The following CPQ variants were observed in gnomAD, a reference collection of about 807,000 sequenced individuals.
CPQ encodes Ser-Met dipeptidase.
A neutral mutation model predicts 45.7 loss-of-function variants in CPQ; 37 were observed. That is an observed-to-expected ratio of 0.81 (90% CI 0.62 to 1.07). The LOEUF is 1.07. Ranked by LOEUF, CPQ falls within the 50% of genes least tolerant of loss-of-function variation. The pLI, the probability that CPQ is intolerant of heterozygous loss-of-function variation, is 0.00. For missense variants in CPQ, 537 were observed against 572.9 expected, an observed-to-expected ratio of 0.94 and a Z score of 0.64; for synonymous variants, 186 against 205.8, an observed-to-expected ratio of 0.90 and a Z score of 0.82.
Position 96,987,362 on chromosome 8 carries a change from A to T in CPQ, c.961+21316A>T, listed in dbSNP as rs139393431. On this transcript the variant is annotated intron_variant, in intron 5 of 7. Coordinates refer to ENST00000220763, the MANE Select transcript of CPQ (RefSeq NM_016134.4). ...AGAGGGAAGCTTCGCTTTGGGGAGT[A>T]AAAGAACCAATCTACAGAGGCCCTT... 3.9e-5 allele frequency among the ~76,000 whole-genome samples: 6 copies of T among 152,308 alleles called. No individual in the cohort carries two copies. In the East Asian group the frequency reaches 1.2e-3, roughly 29 times the overall value.
At chr8:97,131,745 T>C (rs966295420) in intron 7 of CPQ, among the ~76,000 whole-genome samples, 1 of 152,222 alleles carries the variant, frequency 6.6e-6, no homozygotes, top group African/African-American at 2.4e-5. Flanking sequence ...TAGAGTCATT[T>C]AAAAGAACAA....
chr8:96,796,384 G>T (rs1810929216), intron 2 of CPQ, among the ~76,000 whole-genome samples: 1 of 151,930 alleles, frequency 6.6e-6, no homozygotes. Flanking sequence ...CATTATTAAT[G>T]AATTATTTTA....
chr8:96,994,070 T>C (rs548814600), intron 5 of CPQ, among the ~76,000 whole-genome samples: 2 of 152,204 alleles, frequency 1.3e-5, no homozygotes, highest in Admixed American at 6.6e-5. Flanking sequence ...CTTGGAGCTA[T>C]ATGTTGAAAT....
At chr8:96,931,112 G>A (rs1006583601) in intron 4 of CPQ, among the ~76,000 whole-genome samples, 7 of 152,160 alleles carry the variant, frequency 4.6e-5, no homozygotes, top group Non-Finnish European at 5.9e-5. Context: ...CTTCTTCCCC[G>A]TAAGGGACAG....
chr8:96,802,840 T>C (rs1375083312), intron 2 of CPQ, among the ~76,000 whole-genome samples: 2 of 152,216 alleles, frequency 1.3e-5, no homozygotes, highest in Non-Finnish European at 2.9e-5. Context: ...CCTTGTTAGT[T>C]GGCACTGAAC....
chr8:97,135,620 G>A lies in CPQ; in HGVS notation c.1256-7400G>A, dbSNP rs545821710. On this transcript the variant is annotated intron_variant, in intron 7 of 7. Coordinates refer to ENST00000220763, the MANE Select transcript of CPQ (RefSeq NM_016134.4). ...GACTAAGTTTTCTTGCAAGGAATAT[G>A]TTAAGACCATAACATTCTTCCCTCA... Among the ~76,000 whole-genome samples the A allele has an allele frequency of 1.6e-3, 240 of 152,196 alleles. 1 individual carries two copies. The highest frequency in any genetic ancestry group is 5.2e-3 in the African/African-American group (217 of 41,540).
intron 1 of CPQ, among the ~76,000 whole-genome samples, chr8:96,668,896 G>T (rs1341355603): frequency 6.6e-6 from 1 of 150,896 alleles, no homozygotes; most frequent in South Asian, 2.1e-4. Context: ...TCCAGCAAAA[G>T]CCTGTTTTCT....
chr8:96,708,073 C>T lies in CPQ; in HGVS notation c.-35+62671C>T, dbSNP rs544146605. Among the ~76,000 whole-genome samples the T allele has an allele frequency of 2.0e-5, 3 of 152,070 alleles. No homozygotes were observed. In the South Asian group the frequency reaches 6.2e-4, roughly 32 times the overall value. On this transcript the variant is annotated intron_variant, in intron 1 of 7. Transcript: ENST00000220763. ...TTTCCTTTCTAGCATTTAATGGCTG[C>T]CCATATTCCTTAGTTCATGGCCCCC...
At chr8:96,903,451 A>G (rs1586445061) in intron 4 of CPQ, among the ~76,000 whole-genome samples, 1 of 152,320 alleles carries the variant, frequency 6.6e-6, no homozygotes, top group Non-Finnish European at 1.5e-5. Context: ...TAAGGTGAGT[A>G]TTTATGAAGA....
At chr8:96,746,744 G>A (rs1054777526) in intron 1 of CPQ, among the ~76,000 whole-genome samples, 2 of 152,158 alleles carry the variant, frequency 1.3e-5, no homozygotes, top group African/African-American at 4.8e-5. Context: ...TTTAAACCTT[G>A]TGAAAGCAAT....
chr8:97,006,771 C>T (rs754339582), intron 5 of CPQ, among the ~76,000 whole-genome samples: 3 of 152,158 alleles, frequency 2.0e-5, no homozygotes, highest in South Asian at 4.1e-4. Context: ...CACCAGGAAC[C>T]GACTTATCTG....
At chr8:96,659,518 G>C (rs145318282) in intron 1 of CPQ, among the ~76,000 whole-genome samples, 103 of 152,358 alleles carry the variant, frequency 6.8e-4, no homozygotes, top group Non-Finnish European at 7.3e-4. Context: ...AATTGGAAGT[G>C]TGGGCAGTGC....
chr8:96,945,993 C>T (rs1003001057), intron 4 of CPQ, among the ~76,000 whole-genome samples: 4 of 152,172 alleles, frequency 2.6e-5, no homozygotes, highest in Admixed American at 2.6e-4. Flanking sequence ...TGCAGAATCC[C>T]TGGGTCATGC....
intron 4 of CPQ, among the ~76,000 whole-genome samples, chr8:96,907,497 A>G (rs893820861): frequency 2.6e-5 from 4 of 152,118 alleles, no homozygotes; most frequent in African/African-American, 9.7e-5. Flanking sequence ...CCATAACTCT[A>G]TTGTTACTGC....
chr8:97,069,470 T>TCAA (rs1161297065), intron 7 of CPQ, among the ~76,000 whole-genome samples: 1 of 124,674 alleles, frequency 8.0e-6, no homozygotes, highest in African/African-American at 2.9e-5. Context: ...CATCTGTCTC[T>TCAA]AAAAAAAAAA....
chr8:96,865,341 G>A (rs1474132793), intron 3 of CPQ, among the ~76,000 whole-genome samples: 2 of 151,988 alleles, frequency 1.3e-5, no homozygotes, highest in African/African-American at 2.4e-5. Context: ...CGGGTGTTGA[G>A]ATTAAACCAC....
intron 3 of CPQ, among the ~76,000 whole-genome samples, 200 bp downstream of exon 3, chr8:96,835,380 C>T (rs1864385): frequency 0.57 from 86,508 of 152,066 alleles, 26,001 homozygotes; most frequent in East Asian, 0.88. Flanking sequence ...CCAAGCATCA[C>T]TTGTGCATTC....
At chr8:96,797,875 C>A (rs1361882587) in intron 2 of CPQ, among the ~76,000 whole-genome samples, 1 of 151,992 alleles carries the variant, frequency 6.6e-6, no homozygotes, top group African/African-American at 2.4e-5. Flanking sequence ...TGTGGTGAAA[C>A]CCAGTCTCTA....
chr8:96,909,429 T>C (rs1002541956), intron 4 of CPQ, among the ~76,000 whole-genome samples: 5 of 152,212 alleles, frequency 3.3e-5, no homozygotes, highest in African/African-American at 1.2e-4. Context: ...TTTCTTCTGT[T>C]ACAGGCATTG....
Sources: allele counts gnomAD v4.1 joint callset (sites outside exome capture counted in the v4.1 genomes callset), GRCh38; gene constraint gnomAD v4.1.1; transcripts MANE v1.5; gene names NCBI Gene and HGNC (gene_info 2026-07-23, HGNC 2026-07-21).